SIRT1: variants seen among roughly 807,000 people sequenced by gnomAD.
SIRT1 encodes the protein NAD-dependent protein deacetylase sirtuin-1.
SIRT1 carries 24 observed loss-of-function variants against 67.9 expected under a neutral mutation model. That is an observed-to-expected ratio of 0.35 (90% CI 0.26 to 0.50). SIRT1 has a LOEUF of 0.50. Among genes scored for constraint, SIRT1 ranks in the 20% least tolerant of loss-of-function variants. SIRT1 has a pLI of 0.98. For synonymous variants in SIRT1, 378 were observed against 350.7 expected, an observed-to-expected ratio of 1.08 and a Z score of -0.87; for missense variants, 873 against 937.2, an observed-to-expected ratio of 0.93 and a Z score of 0.89.
In SIRT1 at chr10:67,916,906, T is replaced by G. The variant is rs201038526; in HGVS notation, c.*313T>G. The G allele has an allele frequency of 2.8e-5, 5 of 175,628 alleles. No homozygotes were observed. The highest frequency in any genetic ancestry group is 6.2e-5 in the Admixed American group (1 of 16,086). The allele number at this position is 175,628 out of a possible 1,614,324, so 10.9% of individuals were successfully genotyped here. A position where few individuals can be genotyped will look rare whatever the true frequency, so the allele number is the denominator to read the frequency against. On this transcript the variant is annotated 3_prime_UTR_variant, in exon 9 of 9. Transcript: ENST00000212015. ...AAATTCATATGTGTATATATAATTTTTTTTGTTTTGTCTAGTGAGTTTCAA... is the reference window on the plus strand; with the variant it reads ...AAATTCATATGTGTATATATAATTTGTTTTGTTTTGTCTAGTGAGTTTCAA...
chr10:67,906,534 A>G (rs1267415554), intron 4 of SIRT1, among the ~76,000 whole-genome samples: 1 of 152,150 alleles, frequency 6.6e-6, no homozygotes, highest in Non-Finnish European at 1.5e-5. Flanking sequence ...AAATATCAAC[A>G]TTTCTTAGAG....
At chr10:67,888,814 T>A in intron 2 of SIRT1, 68 bp from the exon 3 acceptor site, 1 of 1,525,064 alleles carries the variant, frequency 6.6e-7, no homozygotes, top group Non-Finnish European at 8.8e-7. Flanking sequence ...AACTCATTAC[T>A]TCAGAAAATA....
chr10:67,916,408 G>A lies in SIRT1; in HGVS notation c.2059G>A (p.Glu687Lys). Residue 687 changes from glutamate (E) to lysine (K), a missense_variant, in exon 9 of 9, where the codon GAA becomes AAA. Physicochemically the swap from Glu to Lys is moderately conservative, Grantham distance 56 (BLOSUM62 1). Transcript: ENST00000212015. ...GACATGCCAGAGTCCAAGTTTAGAA[G>A]AACCCATGGAGGATGAAAGTGAAAT... is the stretch of plus-strand genomic sequence containing the variant. The part of the protein sequence containing the change: ...SGTCQSPSLE[E>K]PMEDESEIEE... 1.2e-6 allele frequency: 2 copies of A among 1,614,178 alleles called. No individual in the cohort carries two copies. The highest frequency in any genetic ancestry group is 2.2e-5 in the South Asian group (2 of 91,082).
intron 4 of SIRT1, among the ~76,000 whole-genome samples, chr10:67,899,635 G>A (rs868055223): frequency 2.6e-5 from 4 of 151,958 alleles, no homozygotes; most frequent in African/African-American, 4.8e-5. Context: ...GAATAATTTC[G>A]TAACAGCACT....
intron 7 of SIRT1, among the ~76,000 whole-genome samples, chr10:67,911,127 A>C (rs902309316): frequency 6.6e-6 from 1 of 152,234 alleles, no homozygotes; most frequent in Non-Finnish European, 1.5e-5. Flanking sequence ...TGAAAATTTA[A>C]TATACAAATC....
At chr10:67,903,722 C>T (rs573531533) in intron 4 of SIRT1, among the ~76,000 whole-genome samples, 3 of 152,264 alleles carry the variant, frequency 2.0e-5, no homozygotes, top group East Asian at 1.9e-4. Flanking sequence ...TAGTTTTGAC[C>T]ACGTTGGTTG....
intron 4 of SIRT1, among the ~76,000 whole-genome samples, chr10:67,899,364 C>G (rs1285525628): frequency 2.6e-5 from 4 of 151,422 alleles, no homozygotes; most frequent in Non-Finnish European, 5.9e-5. Context: ...GGGCCTGTCT[C>G]TGATACCCAG....
intron 3 of SIRT1, among the ~76,000 whole-genome samples, chr10:67,891,044 CA>C (rs535108082): frequency 1.2e-3 from 148 of 126,002 alleles, no homozygotes; most frequent in Admixed American, 3.5e-3. Context: ...AAAAAAAAAA[CA>C]AAAAAAAAAA....
At chr10:67,906,671 C>T in intron 4 of SIRT1, 119 bp from the exon 5 acceptor site, 1 of 1,010,240 alleles carries the variant, frequency 9.9e-7, no homozygotes, top group Non-Finnish European at 1.5e-6. Context: ...CTTTAAAATG[C>T]TCATCTATTT....
At chr10:67,893,702 G>T (rs975171255) in intron 4 of SIRT1, among the ~76,000 whole-genome samples, 4 of 152,142 alleles carry the variant, frequency 2.6e-5, no homozygotes, top group Non-Finnish European at 5.9e-5. Context: ...GTGCTGCCAT[G>T]CCTGGCTAAT....
chr10:67,884,788 G>C lies in SIRT1; in HGVS notation c.67G>C (p.Glu23Gln). Reference sequence around the variant, plus strand: ...CCCCTCGGCGGCGGGGGCCGACAGGGAGGCCGCGTCGTCCCCCGCCGGGGA... The same window carrying C: ...CCCCTCGGCGGCGGGGGCCGACAGGCAGGCCGCGTCGTCCCCCGCCGGGGA... ...GSPSAAGADR[E>Q]AASSPAGEPL... Residue 23 changes from glutamate to glutamine, a missense_variant, in exon 1 of 9, where the codon GAG becomes CAG. Glu to Gln is a conservative substitution (Grantham distance 29). Around this residue, in one of 3 missense-constraint regions of SIRT1, gnomAD observed 327 missense variants for 283.9 expected, o/e 1.15. Transcript: ENST00000212015. 1.6e-6 allele frequency: 2 copies of C among 1,226,114 alleles called. No homozygotes were observed. The highest frequency in any genetic ancestry group is 1.6e-5 in the African/African-American group (1 of 64,084). The allele number at this position is 1,226,114 out of a possible 1,614,324, so 76.0% of individuals were successfully genotyped here.
intron 4 of SIRT1, among the ~76,000 whole-genome samples, chr10:67,904,623 A>G (rs1013473455): frequency 2.6e-5 from 4 of 152,222 alleles, no homozygotes; most frequent in Admixed American, 6.5e-5. Context: ...AGGTGGGCGG[A>G]TCACCTGAGG....
chr10:67,890,094 T>G, intron 3 of SIRT1, among the ~76,000 whole-genome samples: 1 of 152,040 alleles, frequency 6.6e-6, no homozygotes. Context: ...CTTGCTCTGT[T>G]GCCTAGGCTG....
intron 1 of SIRT1, 152 bp downstream of exon 1, chr10:67,885,303 G>A: frequency 1.6e-6 from 2 of 1,238,086 alleles, no homozygotes; most frequent in Non-Finnish European, 2.0e-6. Flanking sequence ...GCGCTCCTCC[G>A]GGGCTGCGGT....
In SIRT1 at chr10:67,918,189, A is replaced by T. The variant is rs199995962; in HGVS notation, c.*1596A>T. 3 of 152,614 alleles carry T rather than the reference A, an allele frequency of 2.0e-5. No individual in the cohort carries two copies. The highest frequency in any genetic ancestry group is 4.4e-5 in the Non-Finnish European group (3 of 68,024). The allele number at this position is 152,614 out of a possible 1,614,324, so 9.5% of individuals were successfully genotyped here. On this transcript the variant is annotated 3_prime_UTR_variant, in exon 9 of 9. Transcript: ENST00000212015. ...ATTTTAAATTGAAAAGTTTGTTTTAAATTATTTTTACAGTGAAGACTGTTT... is the reference window on the plus strand; with the variant it reads ...ATTTTAAATTGAAAAGTTTGTTTTATATTATTTTTACAGTGAAGACTGTTT...
rs1249613587 is a variant in SIRT1, at chr10:67,918,233, T to C, written c.*1640T>C. 2 of 152,674 alleles carry C rather than the reference T, an allele frequency of 1.3e-5. No homozygotes were observed. Among genetic ancestry groups the C allele is most frequent in the Non-Finnish European group, 2.9e-5 (2 of 68,048 alleles). The allele number at this position is 152,674 out of a possible 1,614,324, so 9.5% of individuals were successfully genotyped here. A position where few individuals can be genotyped will look rare whatever the true frequency, so the allele number is the denominator to read the frequency against. On this transcript the variant is annotated 3_prime_UTR_variant, in exon 9 of 9. Coordinates refer to ENST00000212015, the MANE Select transcript of SIRT1 (RefSeq NM_012238.5). ...ACTGTTTTCAGCTCTTTTTATATTG[T>C]ACATAGTCTTTTATGTAATTTACTG...
intron 1 of SIRT1, 145 bp downstream of exon 1, chr10:67,885,296 C>T (rs1002783488): frequency 1.3e-5 from 16 of 1,242,016 alleles, no homozygotes; most frequent in Middle Eastern, 6.2e-4. Context: ...TTCAGCCGCG[C>T]TCCTCCGGGG....
intron 8 of SIRT1, among the ~76,000 whole-genome samples, chr10:67,914,677 C>CA (rs774545551): frequency 6.6e-6 from 1 of 152,018 alleles, no homozygotes; most frequent in Non-Finnish European, 1.5e-5. Flanking sequence ...GCCCAGGAAA[C>CA]AGAGTTAACC....
intron 4 of SIRT1, among the ~76,000 whole-genome samples, chr10:67,902,345 G>A (rs1262159011): frequency 2.0e-5 from 3 of 152,084 alleles, no homozygotes; most frequent in Non-Finnish European, 2.9e-5. Context: ...TCTTCCCAGC[G>A]TCTTCCCAAT....
Sources: gnomAD v4.1 joint callset for allele counts (sites outside exome capture counted in the v4.1 genomes callset) on GRCh38, gnomAD v4.1.1 for gene constraint, gnomAD v4.1.1 regional missense constraint, MANE v1.5 for transcripts, NCBI Gene and HGNC (gene_info 2026-07-23, HGNC 2026-07-21) for gene names.